Variants in RAMP3 observed in about 807,000 individuals in gnomAD.
The protein encoded by RAMP3 is receptor activity-modifying protein 3.
Under a neutral mutation model 13.5 loss-of-function variants are expected in RAMP3, and 14 were observed. The ratio of observed to expected loss-of-function variants is 1.04; its 90% CI spans 0.69 to 1.63. RAMP3 has a LOEUF of 1.63. Ranked by LOEUF, RAMP3 falls within the 40% of genes most tolerant of loss-of-function variation. RAMP3 has a pLI of 0.00. For missense variants in RAMP3, 200 were observed against 204.8 expected, an observed-to-expected ratio of 0.98 and a Z score of 0.14; for synonymous variants, 106 against 88.3, an observed-to-expected ratio of 1.20 and a Z score of -1.12.
At chr7:45,167,237 G>A (rs955117885) in intron 1 of RAMP3, among the ~76,000 whole-genome samples, 1 of 152,100 alleles carries the variant, frequency 6.6e-6, no homozygotes, top group African/African-American at 2.4e-5. Context: ...GATTACAGGC[G>A]TGAGCCACGG....
intron 1 of RAMP3, among the ~76,000 whole-genome samples, chr7:45,162,475 G>A (rs1039191694): frequency 1.3e-5 from 2 of 152,202 alleles, no homozygotes; most frequent in African/African-American, 4.8e-5. Context: ...ATTGGAGTGA[G>A]GGTGTCAGTG....
At chr7:45,164,887 C>T (rs918210262) in intron 1 of RAMP3, among the ~76,000 whole-genome samples, 3 of 152,072 alleles carry the variant, frequency 2.0e-5, no homozygotes, top group African/African-American at 7.3e-5. Context: ...ACTGTTGGAC[C>T]TTACTTTTTG....
At chr7:45,181,730 T>G (rs1007722971) in intron 2 of RAMP3, among the ~76,000 whole-genome samples, 1 of 152,156 alleles carries the variant, frequency 6.6e-6, no homozygotes, top group African/African-American at 2.4e-5. Context: ...GATGAGGGTT[T>G]GTCCATGGAC....
intron 1 of RAMP3, among the ~76,000 whole-genome samples, chr7:45,174,780 C>A (rs533574800): frequency 6.6e-6 from 1 of 152,314 alleles, no homozygotes; most frequent in East Asian, 1.9e-4. Flanking sequence ...CCTAGTTGGA[C>A]TGAGATCCCT....
intron 1 of RAMP3, among the ~76,000 whole-genome samples, chr7:45,175,842 A>G (rs1227885305): frequency 6.6e-6 from 1 of 152,134 alleles, no homozygotes; most frequent in East Asian, 1.9e-4. Context: ...GGTCTTCCCT[A>G]ATGTTAGCAT....
Position 45,183,320 on chromosome 7 carries a change from C to T in RAMP3, c.355C>T (p.Leu119Phe). The change falls in exon 3 of 3, where the codon CTC (leucine) becomes TTC (phenylalanine). Residue 119 changes from leucine to phenylalanine, a missense_variant. Transcript: ENST00000242249. The stretch of plus-strand genomic sequence containing the variant: ...CTTGGAGGACCCCCCAGACGAGGTT[C>T]TCATCCCGCTGATCGTTATACCCGT... ...VHLEDPPDEV[L>F]IPLIVIPVVL... is the part of the protein sequence containing the mutation. The T allele has an allele frequency of 6.2e-7, 1 of 1,614,136 alleles. No individual in the cohort carries two copies. Among genetic ancestry groups the T allele is most frequent in the Non-Finnish European group, 8.5e-7 (1 of 1,180,058 alleles).
chr7:45,182,031 G>T (rs1288347977), intron 2 of RAMP3, among the ~76,000 whole-genome samples: 1 of 152,286 alleles, frequency 6.6e-6, no homozygotes, highest in South Asian at 2.1e-4. Context: ...GGTGGAGTAG[G>T]TCAGAGTCCC....
At chr7:45,176,496 A>G (rs1282331850) in intron 1 of RAMP3, among the ~76,000 whole-genome samples, 2 of 151,994 alleles carry the variant, frequency 1.3e-5, no homozygotes, top group Non-Finnish European at 2.9e-5. Context: ...TCTTGAGTAT[A>G]TGATGAGCAC....
chr7:45,170,445 C>A (rs966124856), intron 1 of RAMP3, among the ~76,000 whole-genome samples: 1 of 152,010 alleles, frequency 6.6e-6, no homozygotes, highest in East Asian at 1.9e-4. Flanking sequence ...TCAAGCGATT[C>A]TCCTGCCTCA....
At chr7:45,166,157 T>C (rs35962931) in intron 1 of RAMP3, among the ~76,000 whole-genome samples, 39,543 of 151,326 alleles carry the variant, frequency 0.26, 6,255 homozygotes, top group African/African-American at 0.44. Context: ...TTCCAATTTC[T>C]GCATGTCCTC....
chr7:45,178,632 G>A (rs748521286), intron 2 of RAMP3, among the ~76,000 whole-genome samples: 47 of 152,262 alleles, frequency 3.1e-4, no homozygotes, highest in Non-Finnish European at 1.8e-4. Context: ...TGGGATTCAG[G>A]AAGGGGTTTT....
chr7:45,182,199 C>A (rs1247528592), intron 2 of RAMP3, among the ~76,000 whole-genome samples: 1 of 152,204 alleles, frequency 6.6e-6, no homozygotes, highest in Non-Finnish European at 1.5e-5. Context: ...GAAGCCGAGG[C>A]AGGACCCTTC....
At chr7:45,168,030 A>T (rs565818778) in intron 1 of RAMP3, among the ~76,000 whole-genome samples, 1 of 152,226 alleles carries the variant, frequency 6.6e-6, no homozygotes, top group South Asian at 2.1e-4. Context: ...CACTTTAGGT[A>T]GTACTGACAT....
intron 2 of RAMP3, among the ~76,000 whole-genome samples, chr7:45,178,250 G>A (rs1786232853): frequency 6.6e-6 from 1 of 152,132 alleles, no homozygotes; most frequent in Non-Finnish European, 1.5e-5. Context: ...CATAGTGAAG[G>A]GAGGTCCCCT....
At chr7:45,166,998 C>T (rs987327865) in intron 1 of RAMP3, among the ~76,000 whole-genome samples, 1 of 130,290 alleles carries the variant, frequency 7.7e-6, no homozygotes, top group Non-Finnish European at 1.5e-5. Context: ...TGCCTTGTTG[C>T]CCAGGCTGGA....
intron 2 of RAMP3, among the ~76,000 whole-genome samples, chr7:45,182,186 G>T (rs928003058): frequency 6.6e-6 from 1 of 152,204 alleles, no homozygotes; most frequent in Non-Finnish European, 1.5e-5. Flanking sequence ...ACTTTCCCAT[G>T]GGGAAGCCGA....
Position 45,184,012 on chromosome 7 carries a change from G to A in RAMP3, c.*600G>A. On this transcript the variant is annotated 3_prime_UTR_variant, in exon 3 of 3. Transcript: ENST00000242249. ...GGTTCCCAGGAGCCATGCGTGGCCT[G>A]CAGAGTCCATTCCATCATGATGCTG... 1 of 412,400 alleles carries A rather than the reference G, an allele frequency of 2.4e-6. No homozygotes were observed. The highest frequency in any genetic ancestry group is 4.3e-6 in the Non-Finnish European group (1 of 233,210). The allele number at this position is 412,400 out of a possible 1,614,324, so 25.5% of individuals were successfully genotyped here.
In RAMP3 at chr7:45,172,007, C is replaced by T. The variant is rs531442546; in HGVS notation, c.59-5302C>T. ...GGGACACTGTAGTTCCTGATTTTGG[C>T]TTGCTCCTCCCATTGTGGAGCCTCC... On this transcript the variant is annotated intron_variant, in intron 1 of 2. Transcript: ENST00000242249. 3.7e-4 allele frequency among the ~76,000 whole-genome samples: 56 copies of T among 152,370 alleles called. No individual in the cohort carries two copies. The South Asian group carries it at 0.011, about 31-fold the overall frequency.
intron 1 of RAMP3, among the ~76,000 whole-genome samples, chr7:45,176,297 C>T (rs1584074966): frequency 1.3e-5 from 2 of 152,018 alleles, no homozygotes; most frequent in African/African-American, 4.8e-5. Flanking sequence ...CAGCACCAGC[C>T]GCCGGAACAC....
Sources: allele counts gnomAD v4.1 joint callset (sites outside exome capture counted in the v4.1 genomes callset), GRCh38; gene constraint gnomAD v4.1.1; transcripts MANE v1.5; gene names NCBI Gene and HGNC (gene_info 2026-07-23, HGNC 2026-07-21).